The following GRIN2B variants were observed in gnomAD, a reference collection of about 807,000 sequenced individuals.
The protein encoded by GRIN2B is glutamate ionotropic receptor NMDA type subunit 2B.
GRIN2B carries 5 observed loss-of-function variants against 114.5 expected under a neutral mutation model. The ratio of observed to expected loss-of-function variants is 0.04; its 90% CI spans 0.02 to 0.09. GRIN2B has a LOEUF of 0.09. Ranked by LOEUF, GRIN2B falls within the 10% of genes least tolerant of loss-of-function variation. The pLI, the probability that GRIN2B is intolerant of heterozygous loss-of-function variation, is 1.00. For synonymous variants in GRIN2B, 787 were observed against 745.1 expected, an observed-to-expected ratio of 1.06 and a Z score of -0.92; for missense variants, 1,108 against 1,943.5, an observed-to-expected ratio of 0.57 and a Z score of 8.08.
chr12:13,752,438 A>G (rs1466988412), intron 4 of GRIN2B, among the ~76,000 whole-genome samples: 4 of 152,244 alleles, frequency 2.6e-5, no homozygotes, highest in Non-Finnish European at 4.4e-5. Context: ...TTATTTCTAC[A>G]ATGATTATCT....
chr12:13,878,539 C>T (rs936743243), intron 2 of GRIN2B, among the ~76,000 whole-genome samples: 1 of 152,336 alleles, frequency 6.6e-6, no homozygotes, highest in Admixed American at 6.5e-5. Context: ...TTGAGTGCGG[C>T]TTCTGTGTTC....
Position 13,547,278 on chromosome 12 carries a change from G to A in GRIN2B, c.*15505C>T, listed in dbSNP as rs192880452. ...TCTCAACGATAAAACCCACTTTGCAGTGGCTAAAAATATAAGTATTTTGGT... is the reference window on the plus strand; with the variant it reads ...TCTCAACGATAAAACCCACTTTGCAATGGCTAAAAATATAAGTATTTTGGT... On this transcript the variant is annotated 3_prime_UTR_variant, in exon 14 of 14. Coordinates refer to ENST00000609686, the MANE Select transcript of GRIN2B (RefSeq NM_000834.5). 179 of 152,264 alleles carry A rather than the reference G, an allele frequency of 1.2e-3. No individual in the cohort carries two copies. The highest frequency in any genetic ancestry group is 4.0e-3 in the African/African-American group (168 of 41,548). 9.4% of individuals were successfully genotyped at this position (152,264 alleles called of 1,614,324 possible). A position where few individuals can be genotyped will look rare whatever the true frequency, so the allele number is the denominator to read the frequency against.
At chr12:13,676,617 T>C (rs1950076870) in intron 4 of GRIN2B, among the ~76,000 whole-genome samples, 1 of 151,982 alleles carries the variant, frequency 6.6e-6, no homozygotes, top group African/African-American at 2.4e-5. Flanking sequence ...TTGGAAGTGG[T>C]GGAGATAAGA....
At chr12:13,892,217 A>G (rs1866274150) in intron 2 of GRIN2B, among the ~76,000 whole-genome samples, 1 of 152,312 alleles carries the variant, frequency 6.6e-6, no homozygotes, top group Non-Finnish European at 1.5e-5. Context: ...TGAGATCCTT[A>G]AATTAAAACC....
chr12:13,837,519 A>G (rs1196729977), intron 3 of GRIN2B, among the ~76,000 whole-genome samples: 1 of 152,204 alleles, frequency 6.6e-6, no homozygotes, highest in African/African-American at 2.4e-5. Flanking sequence ...GTGTTTAGTG[A>G]GGTAAGGCAT....
At chr12:13,702,481 A>G (rs12312199) in intron 4 of GRIN2B, among the ~76,000 whole-genome samples, 25,199 of 152,248 alleles carry the variant, frequency 0.17, 2,683 homozygotes, top group Non-Finnish European at 0.24. Context: ...TATCAGTGAT[A>G]AATGAAAAGA....
chr12:13,647,208 C>T (rs1270228560), intron 5 of GRIN2B, among the ~76,000 whole-genome samples: 2 of 151,994 alleles, frequency 1.3e-5, no homozygotes, highest in Non-Finnish European at 1.5e-5. Context: ...GCTGTTTAAG[C>T]CACTGGGTTG....
chr12:13,981,024 C>G (rs1312341646), intron 1 of GRIN2B, among the ~76,000 whole-genome samples: 1 of 152,146 alleles, frequency 6.6e-6, no homozygotes, highest in Non-Finnish European at 1.5e-5. Context: ...TCACCTGCAA[C>G]GTGTCGATTG....
intron 2 of GRIN2B, among the ~76,000 whole-genome samples, chr12:13,943,448 CCT>C (rs1397265768): frequency 1.3e-5 from 2 of 152,086 alleles, no homozygotes; most frequent in African/African-American, 4.8e-5. Flanking sequence ...AAGATTCTCC[CCT>C]GACTCCCCCA....
chr12:13,736,281 C>A (rs1863183293), intron 4 of GRIN2B, among the ~76,000 whole-genome samples: 1 of 152,048 alleles, frequency 6.6e-6, no homozygotes, highest in African/African-American at 2.4e-5. Flanking sequence ...GCACTCTGGG[C>A]AGATTAACTA....
chr12:13,908,351 C>A (rs1591615240), intron 2 of GRIN2B, among the ~76,000 whole-genome samples: 2 of 152,212 alleles, frequency 1.3e-5, no homozygotes, highest in Middle Eastern at 6.8e-3. Flanking sequence ...TAGTTGCCAG[C>A]ATTATCCCTG....
intron 2 of GRIN2B, among the ~76,000 whole-genome samples, chr12:13,909,186 G>A (rs1866591533): frequency 6.6e-6 from 1 of 152,178 alleles, no homozygotes; most frequent in Admixed American, 6.5e-5. Flanking sequence ...GGCAGGCCAT[G>A]TTACAGAGGG....
intron 3 of GRIN2B, among the ~76,000 whole-genome samples, chr12:13,833,857 A>G (rs1173125135): frequency 1.3e-5 from 2 of 151,970 alleles, no homozygotes; most frequent in African/African-American, 4.8e-5. Flanking sequence ...ATTCCTCCCT[A>G]ATGAAGATTA....
At chr12:13,869,876 C>T (rs1401544670) in intron 2 of GRIN2B, among the ~76,000 whole-genome samples, 3 of 152,172 alleles carry the variant, frequency 2.0e-5, no homozygotes, top group South Asian at 4.2e-4. Context: ...ATCGGTGAAA[C>T]CAGGATAATA....
chr12:13,884,279 G>C (rs757944377), intron 2 of GRIN2B, among the ~76,000 whole-genome samples: 1 of 151,996 alleles, frequency 6.6e-6, no homozygotes. Context: ...CCTACTGGGA[G>C]TTTGACTGTG....
intron 10 of GRIN2B, among the ~76,000 whole-genome samples, chr12:13,578,569 T>C (rs1591616474): frequency 6.6e-6 from 1 of 152,282 alleles, no homozygotes. Flanking sequence ...ATATCAGTCA[T>C]GCTACATGAA....
intron 5 of GRIN2B, among the ~76,000 whole-genome samples, chr12:13,656,771 C>T (rs918279547): frequency 1.1e-4 from 16 of 152,138 alleles, no homozygotes; most frequent in African/African-American, 3.9e-4. Context: ...TAAAAATACG[C>T]CATAGTCAGA....
intron 10 of GRIN2B, among the ~76,000 whole-genome samples, chr12:13,578,690 T>C (rs1948807879): frequency 6.6e-6 from 1 of 152,190 alleles, no homozygotes; most frequent in Non-Finnish European, 1.5e-5. Context: ...GTTTGCTGTG[T>C]AGCAATAGGT....
chr12:13,947,971 A>G (rs1867393502), intron 2 of GRIN2B, among the ~76,000 whole-genome samples: 1 of 152,154 alleles, frequency 6.6e-6, no homozygotes, highest in African/African-American at 2.4e-5. Flanking sequence ...CACTCTCCTC[A>G]GGACCTCTCC....
Sources: gnomAD v4.1 joint callset for allele counts (sites outside exome capture counted in the v4.1 genomes callset) on GRCh38, gnomAD v4.1.1 for gene constraint, MANE v1.5 for transcripts, NCBI Gene and HGNC (gene_info 2026-07-23, HGNC 2026-07-21) for gene names.